Variants in GRM7 observed in about 807,000 individuals in gnomAD.
GRM7 encodes the protein glutamate metabotropic receptor 7, also known as metabotropic glutamate receptor 7.
Under a neutral mutation model 84.5 loss-of-function variants are expected in GRM7, and 35 were observed. The ratio of observed to expected loss-of-function variants is 0.41; its 90% confidence interval spans 0.32 to 0.55. The LOEUF (loss-of-function observed/expected upper bound fraction) is 0.55, where lower values mean the gene tolerates loss of function less well. Among genes scored for constraint, GRM7 ranks in the 20% least tolerant of loss-of-function variants. GRM7 has a pLI of 0.19. For missense variants in GRM7, 1,003 were observed against 1,194.6 expected (o/e 0.84, Z 2.36); for synonymous variants, 487 against 455.1 (o/e 1.07, Z -0.89).
intron 1 of GRM7, among the ~76,000 whole-genome samples, chr3:6,914,647 T>A (rs1456155790): frequency 1.3e-5 from 2 of 152,132 alleles, no homozygotes; most frequent in Non-Finnish European, 2.9e-5. Flanking sequence ...ATGATCCACC[T>A]GCCTCGGCCT....
At chr3:6,873,292 C>G (rs6780656) in intron 1 of GRM7, among the ~76,000 whole-genome samples, 1 of 152,118 alleles carries the variant, frequency 6.6e-6, no homozygotes, top group Non-Finnish European at 1.5e-5. Flanking sequence ...AGGCTGGTCC[C>G]GAACTCCTGA....
At chr3:7,404,711 T>G (rs1422917236) in intron 4 of GRM7, among the ~76,000 whole-genome samples, 1 of 152,096 alleles carries the variant, frequency 6.6e-6, no homozygotes, top group Non-Finnish European at 1.5e-5. Context: ...CTTTAAGATC[T>G]TGTCCATCTC....
intron 1 of GRM7, among the ~76,000 whole-genome samples, chr3:6,894,544 C>T (rs780186016): frequency 1.3e-4 from 20 of 151,978 alleles, no homozygotes; most frequent in Non-Finnish European, 2.6e-4. Context: ...TATATACATA[C>T]ATCTCTATAG....
At chr3:7,048,935 A>C (rs565051452) in intron 1 of GRM7, among the ~76,000 whole-genome samples, 1 of 152,080 alleles carries the variant, frequency 6.6e-6, no homozygotes, top group South Asian at 2.1e-4. Flanking sequence ...TGTTTATGCC[A>C]TCTCTTTCCT....
chr3:6,940,638 A>G (rs1697859163), intron 1 of GRM7, among the ~76,000 whole-genome samples: 1 of 151,970 alleles, frequency 6.6e-6, no homozygotes, highest in Non-Finnish European at 1.5e-5. Context: ...AATTGAAATA[A>G]CTTCTGATAA....
chr3:7,552,926 C>T (rs1198726298), intron 7 of GRM7, among the ~76,000 whole-genome samples: 1 of 152,196 alleles, frequency 6.6e-6, no homozygotes, highest in Non-Finnish European at 1.5e-5. Context: ...TTGAATTTCT[C>T]CTCAGAAAAT....
intron 1 of GRM7, among the ~76,000 whole-genome samples, chr3:6,898,825 CA>C (rs58274974): frequency 0.17 from 24,077 of 142,470 alleles, 2,105 homozygotes; most frequent in African/African-American, 0.25. Flanking sequence ...CTCAAAAAAA[CA>C]AAAAAAAAAA....
intron 1 of GRM7, among the ~76,000 whole-genome samples, chr3:6,948,910 A>C (rs1418983148): frequency 6.6e-6 from 1 of 152,152 alleles, no homozygotes; most frequent in Non-Finnish European, 1.5e-5. Flanking sequence ...TTTGCTTGGT[A>C]GATCTTCCTC....
rs148690291 is a variant in GRM7 at position 7,402,398 on chromosome 3, T to G, written c.1034-12625T>G. Reference sequence around the variant, plus strand: ...TTTCCTATTACTGCACCTAATGCAATGTCTCCCTCTCAGGAATATCTTAGT... The same window carrying G: ...TTTCCTATTACTGCACCTAATGCAAGGTCTCCCTCTCAGGAATATCTTAGT... On this transcript the variant is annotated intron_variant, in intron 4 of 9. Coordinates refer to ENST00000357716, the MANE Select transcript of GRM7 (RefSeq NM_000844.4). 1.9e-3 allele frequency among the ~76,000 whole-genome samples: 290 copies of G among 152,342 alleles called. 2 individuals are homozygous for G. The highest frequency in any genetic ancestry group is 5.8e-3 in the African/African-American group (242 of 41,588).
chr3:7,254,225 C>T (rs1698117128), intron 2 of GRM7, among the ~76,000 whole-genome samples: 1 of 152,222 alleles, frequency 6.6e-6, no homozygotes, highest in Non-Finnish European at 1.5e-5. Flanking sequence ...TTGGTTTAGG[C>T]TCTGCTCTTG....
At chr3:7,515,907 CAG>C (rs1410009287) in intron 7 of GRM7, among the ~76,000 whole-genome samples, 1 of 152,016 alleles carries the variant, frequency 6.6e-6, no homozygotes, top group Non-Finnish European at 1.5e-5. Context: ...CTTTGGGAGA[CAG>C]AGACAGGGGA....
chr3:6,874,967 C>G (rs1346451434), intron 1 of GRM7, among the ~76,000 whole-genome samples: 4 of 152,176 alleles, frequency 2.6e-5, no homozygotes, highest in Non-Finnish European at 5.9e-5. Flanking sequence ...CTCATCCACT[C>G]TATTTAAAGT....
At chr3:7,098,074 A>T (rs1698919712) in intron 1 of GRM7, among the ~76,000 whole-genome samples, 1 of 152,118 alleles carries the variant, frequency 6.6e-6, no homozygotes. Context: ...TTAATTTCTA[A>T]AAATTGAAAC....
chr3:6,923,267 G>A (rs138257138), intron 1 of GRM7, among the ~76,000 whole-genome samples: 1,577 of 151,968 alleles, frequency 0.01, 12 homozygotes, highest in Non-Finnish European at 0.018. Context: ...CACCTGCCTC[G>A]GTCTCCCAAA....
At chr3:7,154,979 G>A (rs1248614432) in intron 2 of GRM7, among the ~76,000 whole-genome samples, 4 of 152,052 alleles carry the variant, frequency 2.6e-5, no homozygotes, top group African/African-American at 9.7e-5. Context: ...TATGTATATT[G>A]GAAAGATATT....
chr3:7,018,023 G>A (rs1367084381), intron 1 of GRM7, among the ~76,000 whole-genome samples: 2 of 152,080 alleles, frequency 1.3e-5, no homozygotes, highest in African/African-American at 4.8e-5. Flanking sequence ...GTTGAAGAAA[G>A]CACTATCCAA....
At chr3:7,123,009 T>C (rs1206637059) in intron 1 of GRM7, among the ~76,000 whole-genome samples, 3 of 152,150 alleles carry the variant, frequency 2.0e-5, no homozygotes, top group Non-Finnish European at 4.4e-5. Context: ...CATATGAAAA[T>C]TATGCACCCT....
intron 9 of GRM7, chr3:7,682,024 T>C (rs1246200986): frequency 1.3e-5 from 2 of 151,888 alleles, no homozygotes; most frequent in Non-Finnish European, 2.9e-5. Flanking sequence ...ACAGGGTAGA[T>C]AAAACTCAAT....
At chr3:7,231,601 C>T (rs1223681165) in intron 2 of GRM7, among the ~76,000 whole-genome samples, 1 of 152,180 alleles carries the variant, frequency 6.6e-6, no homozygotes, top group Non-Finnish European at 1.5e-5. Flanking sequence ...ATTATCAAAA[C>T]AGCTGGCATT....
Sources: allele counts gnomAD v4.1 joint callset (sites outside exome capture counted in the v4.1 genomes callset), GRCh38; gene constraint gnomAD v4.1.1; transcripts MANE v1.5; gene names NCBI Gene and HGNC (gene_info 2026-07-23, HGNC 2026-07-21).